Variants in PIEZO2 observed in about 807,000 individuals in gnomAD.
The protein encoded by PIEZO2 is piezo type mechanosensitive ion channel component 2.
PIEZO2 carries 172 observed loss-of-function variants against 337.3 expected under a neutral mutation model. The ratio of observed to expected loss-of-function variants is 0.51; its 90% confidence interval spans 0.45 to 0.58. The LOEUF (loss-of-function observed/expected upper bound fraction) is 0.58, where lower values mean the gene tolerates loss of function less well. Ranked by LOEUF, PIEZO2 falls within the 20% of genes least tolerant of loss-of-function variation. PIEZO2 has a pLI of 0.00. For missense variants in PIEZO2, 3,028 were observed against 3,391.3 expected, an observed-to-expected ratio of 0.89 and a Z score of 2.66; for synonymous variants, 1,251 against 1,228.5, an observed-to-expected ratio of 1.02 and a Z score of -0.38.
chr18:10,884,234 T>C (rs1383456023), intron 4 of PIEZO2, among the ~76,000 whole-genome samples: 1 of 152,268 alleles, frequency 6.6e-6, no homozygotes, highest in South Asian at 2.1e-4. Context: ...TGAGAGGATT[T>C]CCTTCCTTTT....
chr18:10,727,043 G>C lies in PIEZO2; in HGVS notation c.5029+4364C>G, dbSNP rs551269128. ...TGCTTCCACGGTCTGGGTGTTTCTT[G>C]GGGGGTGTTGGGAGGGCAGGAGCAT... On this transcript the variant is annotated intron_variant, in intron 36 of 55. Transcript: ENST00000674853. This position sits in a 1 kb window ranked among gnomAD's most constrained non-coding sequence, Gnocchi z 6.3. 27 of 631,330 alleles carry C rather than the reference G, an allele frequency of 4.3e-5. 1 individual carries two copies. In the South Asian group the frequency reaches 6.7e-4, roughly 16 times the overall value. The allele number at this position is 631,330 out of a possible 1,614,324, so 39.1% of individuals were successfully genotyped here. A position where few individuals can be genotyped will look rare whatever the true frequency, so the allele number is the denominator to read the frequency against.
intron 4 of PIEZO2, among the ~76,000 whole-genome samples, chr18:10,886,343 T>TATATATATAC (rs561758653): frequency 4.2e-5 from 1 of 23,716 alleles, no homozygotes; most frequent in African/African-American, 3.1e-4. Flanking sequence ...TATATATATA[T>TATATATATAC]ACACACACAC....
chr18:10,809,260 CTTTTTTTT>C (rs869210659), intron 7 of PIEZO2, among the ~76,000 whole-genome samples: 17 of 65,830 alleles, frequency 2.6e-4, no homozygotes, highest in Admixed American at 8.8e-4. Flanking sequence ...CTCTCTCTCT[CTTTTTTTT>C]TTTTTTTTTT....
intron 1 of PIEZO2, among the ~76,000 whole-genome samples, chr18:11,136,076 A>C (rs1040216720): frequency 6.6e-6 from 1 of 152,240 alleles, no homozygotes; most frequent in African/African-American, 2.4e-5. Context: ...TGCTTTAGGG[A>C]CTGTGTCACA....
rs143611879 is a variant in PIEZO2, at chr18:11,071,953, C to T, written c.65-5731G>A. Reference sequence around the variant, plus strand: ...CAGTTTCCCACCCGTGCCCATCCTGCGCTCCATGCTACTGCAAAACTACAT... The same window carrying T: ...CAGTTTCCCACCCGTGCCCATCCTGTGCTCCATGCTACTGCAAAACTACAT... On this transcript the variant is annotated intron_variant, in intron 1 of 55. Coordinates refer to ENST00000674853, the MANE Select transcript of PIEZO2 (RefSeq NM_001378183.1). Among the ~76,000 whole-genome samples, 227 of 151,318 alleles carry T rather than the reference C, an allele frequency of 1.5e-3. 3 individuals are homozygous for T. Among genetic ancestry groups the T allele is most frequent in the African/African-American group, 5.3e-3 (219 of 41,494 alleles).
intron 36 of PIEZO2, among the ~76,000 whole-genome samples, chr18:10,725,737 G>C (rs2036508561): frequency 6.6e-6 from 1 of 152,172 alleles, no homozygotes; most frequent in Admixed American, 6.5e-5. Context: ...CCACAGTGGC[G>C]GCAGGGCTGG....
At chr18:10,868,284 C>T (rs961717824) in intron 5 of PIEZO2, among the ~76,000 whole-genome samples, 35 of 152,202 alleles carry the variant, frequency 2.3e-4, no homozygotes, top group Non-Finnish European at 2.9e-5. Context: ...AAAAACCAAA[C>T]ATTCTAGAGT....
chr18:10,802,487 T>C (rs192183155), intron 9 of PIEZO2, among the ~76,000 whole-genome samples: 5 of 152,338 alleles, frequency 3.3e-5, no homozygotes, highest in Non-Finnish European at 7.3e-5. Context: ...TAAATAGTTA[T>C]TTTTTAAAAC....
intron 2 of PIEZO2, among the ~76,000 whole-genome samples, chr18:11,053,830 A>G (rs1344016500): frequency 6.6e-6 from 1 of 152,070 alleles, no homozygotes; most frequent in Non-Finnish European, 1.5e-5. Context: ...AGCCTGGACA[A>G]CGTGGTAAAA....
chr18:10,867,473 G>A (rs2042035408), intron 5 of PIEZO2, among the ~76,000 whole-genome samples: 1 of 152,146 alleles, frequency 6.6e-6, no homozygotes, highest in African/African-American at 2.4e-5. Flanking sequence ...ACTTAATATT[G>A]CATCCCTGAA....
rs1457654853 is a variant in PIEZO2 at position 11,128,269 on chromosome 18, G to A, written c.64+20256C>T. Among the ~76,000 whole-genome samples the A allele has an allele frequency of 3.0e-4, 46 of 152,182 alleles. 1 individual carries two copies. The highest frequency in any genetic ancestry group is 2.9e-3 in the Admixed American group (45 of 15,272). ...ACATACTGAGCCTCAAATCTGCTAA[G>A]ATTGCCTTGAGTGAGAGTCTTATCT... On this transcript the variant is annotated intron_variant, in intron 1 of 55. Coordinates refer to ENST00000674853, the MANE Select transcript of PIEZO2 (RefSeq NM_001378183.1). The surrounding 1 kb of genome is among the most constrained non-coding windows in gnomAD (Gnocchi z 4.1).
chr18:10,981,124 T>G (rs1026943207), intron 2 of PIEZO2, among the ~76,000 whole-genome samples: 3 of 152,120 alleles, frequency 2.0e-5, no homozygotes, highest in African/African-American at 7.2e-5. Flanking sequence ...TAATAAATCA[T>G]AGAGAAACAT....
Position 10,759,203 on chromosome 18 carries a change from ATGTG to A in PIEZO2, c.3757+275_3757+278del, listed in dbSNP as rs750817456. On this transcript the variant is annotated intron_variant, in intron 26 of 55. Transcript: ENST00000674853. This position sits in a 1 kb window ranked among gnomAD's most constrained non-coding sequence, Gnocchi z 5.5. The stretch of plus-strand genomic sequence containing the variant: ...TGTCTTTTGAAAGGTGGCTGTGTAA[ATGTG>A]TGTGTGTGTGTGTGTGTGTGTTTGT... Among the ~76,000 whole-genome samples the A allele has an allele frequency of 1.1e-3, 166 of 148,566 alleles. No homozygotes were observed. Among genetic ancestry groups the A allele is most frequent in the African/African-American group, 3.4e-3 (138 of 40,416 alleles).
chr18:10,919,580 A>ATC (rs988938733), intron 3 of PIEZO2, among the ~76,000 whole-genome samples: 49 of 152,288 alleles, frequency 3.2e-4, no homozygotes, highest in African/African-American at 1.1e-3. Context: ...AGACTAGGGC[A>ATC]GGTCTGTTCA....
intron 7 of PIEZO2, among the ~76,000 whole-genome samples, chr18:10,843,106 C>T (rs1258992422): frequency 2.0e-5 from 3 of 152,124 alleles, no homozygotes; most frequent in African/African-American, 7.2e-5. Flanking sequence ...CAAAATACTT[C>T]ACAAAGCAGC....
At chr18:11,075,482 C>T (rs1387858722) in intron 1 of PIEZO2, among the ~76,000 whole-genome samples, 6 of 152,186 alleles carry the variant, frequency 3.9e-5, no homozygotes, top group Admixed American at 1.3e-4. Flanking sequence ...CGGTTGAAAC[C>T]GTAAATGTCT....
chr18:10,807,013 A>C, intron 8 of PIEZO2, 99 bp downstream of exon 8: 6 of 1,201,786 alleles, frequency 5.0e-6, no homozygotes, highest in Non-Finnish European at 6.8e-6. Context: ...GTGTTGGAAT[A>C]GAGTATCGAT....
At position 10,794,609 on chromosome 18, in the gene PIEZO2, C is replaced by G. The variant is rs76931589; in HGVS notation, c.1758+163G>C. The stretch of plus-strand genomic sequence containing the variant: ...TATGTTCATGTTTAAATTATAGAGG[C>G]CTCTAAGCACCGCAAACTGTTTCTT... On this transcript the variant is annotated intron_variant, in intron 13 of 55. Coordinates refer to ENST00000674853, the MANE Select transcript of PIEZO2 (RefSeq NM_001378183.1). The surrounding 1 kb of genome is among the most constrained non-coding windows in gnomAD (Gnocchi z 6.6). 0.023 allele frequency among the ~76,000 whole-genome samples: 3,548 copies of G among 152,192 alleles called. 137 individuals are homozygous for G. The highest frequency in any genetic ancestry group is 0.082 in the African/African-American group (3,400 of 41,516).
chr18:10,906,605 G>T (rs1027394181), intron 4 of PIEZO2, among the ~76,000 whole-genome samples: 1 of 151,884 alleles, frequency 6.6e-6, no homozygotes, highest in African/African-American at 2.4e-5. Context: ...CTGTCGCCCA[G>T]GCTGGAGTGC....
Sources: gnomAD v4.1 joint callset for allele counts (sites outside exome capture counted in the v4.1 genomes callset) on GRCh38, gnomAD v4.1.1 for gene constraint, Gnocchi (gnomAD v3.1) non-coding constraint, MANE v1.5 for transcripts, NCBI Gene and HGNC (gene_info 2026-07-23, HGNC 2026-07-21) for gene names.